The following OLFM3 variants were observed in gnomAD, a reference collection of about 807,000 sequenced individuals.
OLFM3 encodes the protein olfactomedin 3.
Under a neutral mutation model 48.6 loss-of-function variants are expected in OLFM3, and 20 were observed. The observed-to-expected ratio is 0.41, with a 90% CI of 0.29 to 0.60. OLFM3 has a LOEUF of 0.60. Ranked by LOEUF, OLFM3 falls within the 20% of genes least tolerant of loss-of-function variation. The probability of loss-of-function intolerance (pLI) is 0.28; values close to 1 mark genes in which losing one functional copy is unlikely to be tolerated. For missense variants in OLFM3, 437 were observed against 544.3 expected (o/e 0.80, Z 1.96); for synonymous variants, 222 against 198.1 (o/e 1.12, Z -1.01).
At chr1:101,969,060 A>G (rs957345187) in intron 1 of OLFM3, among the ~76,000 whole-genome samples, 1 of 152,208 alleles carries the variant, frequency 6.6e-6, no homozygotes, top group African/African-American at 2.4e-5. Flanking sequence ...TTAGTGACCC[A>G]GAGTGAACAG....
chr1:101,914,208 G>A (rs1243161105), intron 1 of OLFM3, among the ~76,000 whole-genome samples: 1 of 152,026 alleles, frequency 6.6e-6, no homozygotes, highest in Admixed American at 6.6e-5. Context: ...CTGCCCTGAC[G>A]ACCCATCATC....
intron 1 of OLFM3, among the ~76,000 whole-genome samples, chr1:101,988,321 G>A (rs1317505619): frequency 6.6e-6 from 1 of 152,022 alleles, no homozygotes; most frequent in African/African-American, 2.4e-5. Context: ...TTGCCACCAA[G>A]CATCATGAAA....
chr1:101,871,884 C>T (rs1251292202), intron 1 of OLFM3, among the ~76,000 whole-genome samples: 1 of 151,840 alleles, frequency 6.6e-6, no homozygotes, highest in Non-Finnish European at 1.5e-5. Flanking sequence ...AACTTAAGTA[C>T]CACAGAGAGA....
chr1:101,890,625 C>A (rs905440982), intron 1 of OLFM3, among the ~76,000 whole-genome samples: 1 of 147,392 alleles, frequency 6.8e-6, no homozygotes, highest in African/African-American at 2.5e-5. Context: ...TAAGGTAAAA[C>A]TTTGTTTCTG....
At chr1:101,989,333 G>GA (rs1236034108) in intron 1 of OLFM3, among the ~76,000 whole-genome samples, 2 of 151,984 alleles carry the variant, frequency 1.3e-5, no homozygotes, top group Non-Finnish European at 2.9e-5. Context: ...AATGTTCTTG[G>GA]AAAAATCAAT....
At chr1:101,805,968 C>A in intron 5 of OLFM3, 108 bp downstream of exon 5, 1 of 646,960 alleles carries the variant, frequency 1.5e-6, no homozygotes, top group South Asian at 2.8e-5. Context: ...AATTATGTAC[C>A]AGTTTTCAAG....
At chr1:101,933,212 A>G (rs1314864460) in intron 1 of OLFM3, among the ~76,000 whole-genome samples, 1 of 146,386 alleles carries the variant, frequency 6.8e-6, no homozygotes, top group East Asian at 1.9e-4. Flanking sequence ...AAAAAAAAAA[A>G]AAAAAAAAAA....
intron 4 of OLFM3, among the ~76,000 whole-genome samples, chr1:101,824,240 T>G (rs1313015438): frequency 1.3e-5 from 2 of 152,140 alleles, no homozygotes; most frequent in Non-Finnish European, 2.9e-5. Flanking sequence ...TGTCAACAAC[T>G]AAAATACTGA....
At chr1:101,979,861 C>T (rs1661057614) in intron 1 of OLFM3, among the ~76,000 whole-genome samples, 1 of 152,196 alleles carries the variant, frequency 6.6e-6, no homozygotes, top group African/African-American at 2.4e-5. Context: ...AATGCCAGCC[C>T]ATGAAAGCAG....
At chr1:101,812,571 G>A (rs1654119297) in intron 4 of OLFM3, 1 of 985,466 alleles carries the variant, frequency 1.0e-6, no homozygotes, top group African/African-American at 1.7e-5. Context: ...ATCATACCAT[G>A]AGCCTTATCT....
intron 1 of OLFM3, among the ~76,000 whole-genome samples, chr1:101,916,392 A>C (rs1316908173): frequency 1.5e-5 from 2 of 130,986 alleles, no homozygotes; most frequent in Non-Finnish European, 1.7e-5. Flanking sequence ...AGTAGGTATA[A>C]TGTCTCTCCT....
At chr1:101,887,636 G>A (rs946083395) in intron 1 of OLFM3, among the ~76,000 whole-genome samples, 3 of 151,968 alleles carry the variant, frequency 2.0e-5, no homozygotes, top group Non-Finnish European at 4.4e-5. Context: ...TTGTGTCCAA[G>A]TAGTAATATA....
At chr1:101,805,983 A>G (rs1557680870) in intron 5 of OLFM3, 93 bp downstream of exon 5, 1 of 856,720 alleles carries the variant, frequency 1.2e-6, no homozygotes, top group Non-Finnish European at 1.8e-6. Context: ...TTCAAGTACA[A>G]ACAAATATCC....
intron 1 of OLFM3, among the ~76,000 whole-genome samples, chr1:101,876,427 T>C (rs1570586757): frequency 6.6e-6 from 1 of 151,996 alleles, no homozygotes; most frequent in East Asian, 1.9e-4. Context: ...CTCTGTAAAG[T>C]GCTTTTACAA....
chr1:101,825,326 G>T, intron 3 of OLFM3, 81 bp from the exon 4 acceptor site: 1 of 1,087,896 alleles, frequency 9.2e-7, no homozygotes, highest in Non-Finnish European at 1.3e-6. Flanking sequence ...GATACTTAAA[G>T]GAAATTATTA....
intron 1 of OLFM3, among the ~76,000 whole-genome samples, chr1:101,891,691 C>G (rs973012738): frequency 5.3e-5 from 8 of 151,810 alleles, no homozygotes; most frequent in Admixed American, 1.3e-4. Flanking sequence ...TGTAGACAAG[C>G]ATGGTGCTTA....
chr1:101,981,316 T>G lies in OLFM3; in HGVS notation c.69+15432A>C, dbSNP rs565934182. Among the ~76,000 whole-genome samples the G allele has an allele frequency of 9.2e-5, 14 of 152,324 alleles. No individual in the cohort carries two copies. In the East Asian group the frequency reaches 2.7e-3, roughly 29 times the overall value. ...CCAACAGCATTTGTATCATATACTTTGTCTTCCCACCTGTTCTAAAGGAAG... is the reference window on the plus strand; with the variant it reads ...CCAACAGCATTTGTATCATATACTTGGTCTTCCCACCTGTTCTAAAGGAAG... On this transcript the variant is annotated intron_variant, in intron 1 of 5. Coordinates refer to ENST00000370103, the MANE Select transcript of OLFM3 (RefSeq NM_058170.4).
intron 1 of OLFM3, among the ~76,000 whole-genome samples, chr1:101,951,851 T>C (rs1660152110): frequency 6.6e-6 from 1 of 152,158 alleles, no homozygotes; most frequent in African/African-American, 2.4e-5. Context: ...AATGAAAGGA[T>C]TGCCACTGCT....
chr1:101,809,103 C>A (rs942238461), intron 4 of OLFM3, among the ~76,000 whole-genome samples: 1 of 150,338 alleles, frequency 6.7e-6, no homozygotes, highest in African/African-American at 2.4e-5. Context: ...TCTAGAAGCT[C>A]CAACATCCAG....
Sources: allele counts gnomAD v4.1 joint callset (sites outside exome capture counted in the v4.1 genomes callset), GRCh38; gene constraint gnomAD v4.1.1; transcripts MANE v1.5; gene names NCBI Gene and HGNC (gene_info 2026-07-23, HGNC 2026-07-21).